The following DGKB variants were observed in gnomAD, a reference collection of about 807,000 sequenced individuals.
The protein encoded by DGKB is diacylglycerol kinase beta, also known as 90 kDa diacylglycerol kinase.
A neutral mutation model predicts 114.3 loss-of-function variants in DGKB; 67 were observed. That is an observed-to-expected ratio of 0.59 (90% CI 0.48 to 0.72). The LOEUF is 0.72. Ranked by LOEUF, DGKB falls within the 30% of genes least tolerant of loss-of-function variation. DGKB has a pLI of 0.00. For synonymous variants in DGKB, 398 were observed against 323.1 expected (o/e 1.23, Z -2.49); for missense variants, 907 against 975.2 (o/e 0.93, Z 0.93).
chr7:14,778,758 T>C (rs1181507925), intron 2 of DGKB, among the ~76,000 whole-genome samples: 1 of 152,262 alleles, frequency 6.6e-6, no homozygotes. Context: ...CCAAGCATTT[T>C]AAATGTAGCT....
chr7:14,697,956 A>G (rs1824337588), intron 8 of DGKB, 139 bp downstream of exon 8: 3 of 604,118 alleles, frequency 5.0e-6, no homozygotes, highest in East Asian at 3.1e-5. Context: ...AAAGGGAGAT[A>G]GAAGGAAGGA....
In DGKB at chr7:14,568,020, C is replaced by G. The variant is rs149654267; in HGVS notation, c.1770+6192G>C. ...TGAAGAAACAACTATGGAAATTAAA[C>G]TAATGGGGTAGAAAGTTTTATTCCT... On this transcript the variant is annotated intron_variant, in intron 20 of 25. Coordinates refer to ENST00000402815, the MANE Select transcript of DGKB (RefSeq NM_001350709.2). Among the ~76,000 whole-genome samples the G allele has an allele frequency of 4.4e-3, 666 of 152,214 alleles. 6 individuals are homozygous for G. Among genetic ancestry groups the G allele is most frequent in the African/African-American group, 0.016 (648 of 41,528 alleles).
intron 23 of DGKB, among the ~76,000 whole-genome samples, chr7:14,219,904 TCTTACA>T (rs1789644374): frequency 6.6e-6 from 1 of 151,746 alleles, no homozygotes; most frequent in Admixed American, 6.6e-5. Flanking sequence ...TAGTTTTAGA[TCTTACA>T]CTTACATCCT....
intron 20 of DGKB, among the ~76,000 whole-genome samples, chr7:14,492,680 A>G (rs1328597420): frequency 1.3e-5 from 2 of 152,090 alleles, no homozygotes; most frequent in Non-Finnish European, 2.9e-5. Flanking sequence ...TCTAGGTCTG[A>G]CCTTTATGCC....
At chr7:14,638,413 G>A (rs1443398188) in intron 13 of DGKB, among the ~76,000 whole-genome samples, 1 of 151,946 alleles carries the variant, frequency 6.6e-6, no homozygotes, top group Non-Finnish European at 1.5e-5. Context: ...AAGCCTCCTT[G>A]TTATATATTT....
intron 21 of DGKB, among the ~76,000 whole-genome samples, chr7:14,372,715 C>A (rs1192725016): frequency 6.6e-6 from 1 of 151,706 alleles, no homozygotes; most frequent in East Asian, 1.9e-4. Context: ...ATCTACTCAC[C>A]TTGTTTTAGG....
chr7:14,284,622 C>G (rs1451805650), intron 23 of DGKB, among the ~76,000 whole-genome samples: 12 of 144,050 alleles, frequency 8.3e-5, no homozygotes, highest in Admixed American at 4.8e-4. Context: ...AAATGTCCAA[C>G]AATGATAGAC....
chr7:14,488,024 T>C (rs1212621479), intron 20 of DGKB, among the ~76,000 whole-genome samples: 1 of 152,074 alleles, frequency 6.6e-6, no homozygotes, highest in Non-Finnish European at 1.5e-5. Flanking sequence ...TGAAAGCAAA[T>C]GTACAAATGA....
At chr7:14,738,493 A>G (rs1365722809) in intron 4 of DGKB, among the ~76,000 whole-genome samples, 2 of 152,234 alleles carry the variant, frequency 1.3e-5, no homozygotes, top group Non-Finnish European at 2.9e-5. Context: ...TTCTTCATCT[A>G]TAAAATTAGA....
chr7:14,209,448 C>G (rs1787391233), intron 23 of DGKB: 1 of 472,792 alleles, frequency 2.1e-6, no homozygotes, highest in African/African-American at 2.0e-5. Flanking sequence ...AGCAACTACA[C>G]AAGGCTATTC....
At chr7:14,653,399 G>T (rs1285693878) in intron 13 of DGKB, among the ~76,000 whole-genome samples, 1 of 151,974 alleles carries the variant, frequency 6.6e-6, no homozygotes, top group Non-Finnish European at 1.5e-5. Context: ...GTAAACTACT[G>T]CAAGAACAAA....
At chr7:14,811,853 T>C (rs1395683357) in intron 2 of DGKB, among the ~76,000 whole-genome samples, 1 of 151,898 alleles carries the variant, frequency 6.6e-6, no homozygotes, top group Non-Finnish European at 1.5e-5. Flanking sequence ...ATTAAGTATA[T>C]TCACATTATT....
At chr7:14,333,180 C>T (rs1274483172) in intron 23 of DGKB, among the ~76,000 whole-genome samples, 3 of 151,938 alleles carry the variant, frequency 2.0e-5, no homozygotes, top group Non-Finnish European at 4.4e-5. Context: ...AGTGAGAGGC[C>T]GGGGGCAGTG....
intron 23 of DGKB, among the ~76,000 whole-genome samples, chr7:14,281,038 A>G (rs1035549027): frequency 4.7e-5 from 7 of 150,314 alleles, no homozygotes; most frequent in East Asian, 2.1e-4. Context: ...AATGGACTAA[A>G]TGCTCCAATT....
At chr7:14,838,609 T>G (rs1380157541) in intron 2 of DGKB, among the ~76,000 whole-genome samples, 1 of 152,166 alleles carries the variant, frequency 6.6e-6, no homozygotes, top group Non-Finnish European at 1.5e-5. Context: ...TTCAATATTA[T>G]AAAATCTGAA....
intron 2 of DGKB, among the ~76,000 whole-genome samples, chr7:14,771,995 A>G (rs12334104): frequency 0.13 from 19,789 of 152,096 alleles, 1,745 homozygotes; most frequent in African/African-American, 0.25. Flanking sequence ...AGGTCTCCAG[A>G]TAAACTCAAC....
At chr7:14,622,911 C>G (rs536216631) in intron 14 of DGKB, among the ~76,000 whole-genome samples, 11 of 152,284 alleles carry the variant, frequency 7.2e-5, no homozygotes, top group Admixed American at 2.0e-4. Context: ...AGGATGTGGT[C>G]AAATGTCAGA....
chr7:14,480,421 G>C (rs1469510312), intron 20 of DGKB, among the ~76,000 whole-genome samples: 1 of 152,032 alleles, frequency 6.6e-6, no homozygotes, highest in African/African-American at 2.4e-5. Flanking sequence ...ATGACAGCAG[G>C]TGTTCATTTG....
At chr7:14,204,949 C>T (rs1786511529) in intron 23 of DGKB, among the ~76,000 whole-genome samples, 2 of 151,930 alleles carry the variant, frequency 1.3e-5, no homozygotes, top group Non-Finnish European at 2.9e-5. Context: ...GTGTATGTGT[C>T]CACAACTGTA....
Sources: allele counts gnomAD v4.1 joint callset (sites outside exome capture counted in the v4.1 genomes callset), GRCh38; gene constraint gnomAD v4.1.1; transcripts MANE v1.5; gene names NCBI Gene and HGNC (gene_info 2026-07-23, HGNC 2026-07-21).